MACF1: variants seen among roughly 807,000 people sequenced by gnomAD.
MACF1 encodes the protein microtubule-actin cross-linking factor 1.
MACF1 carries 193 observed loss-of-function variants against 854.8 expected under a neutral mutation model. That is an observed-to-expected ratio of 0.23 (90% CI 0.20 to 0.25). The LOEUF (loss-of-function observed/expected upper bound fraction) is 0.25. Among genes scored for constraint, MACF1 ranks in the 10% least tolerant of loss-of-function variants. The pLI is 1.00. For synonymous variants in MACF1, 3,185 were observed against 3,226.7 expected, an observed-to-expected ratio of 0.99 and a Z score of 0.44; for missense variants, 7,722 against 8,929.1, an observed-to-expected ratio of 0.86 and a Z score of 5.45.
intron 2 of MACF1, among the ~76,000 whole-genome samples, chr1:39,125,098 A>C (rs1642824317): frequency 6.6e-6 from 1 of 152,232 alleles, no homozygotes; most frequent in Admixed American, 6.5e-5. Flanking sequence ...TATCAAACTC[A>C]AAAGCAATTA....
Position 39,357,698 on chromosome 1 carries a change from G to T in MACF1, c.11748G>T (p.Leu3916=), listed in dbSNP as rs555869486. The change falls in exon 45 of 101, where the codon CTG becomes CTT. Residue 3916 remains leucine, a synonymous_variant. Coordinates refer to ENST00000564288, the MANE Select transcript of MACF1 (RefSeq NM_001394062.1). ...GGSSPETLPS[L]LKRQGSFSED... is the part of the protein sequence containing the mutation. ...GCAGCCCCGAGACCCTTCCCTCCCT[G>T]CTAAAGCGGCAAGGAAGCTTCTCAG... 6.9e-5 allele frequency: 112 copies of T among 1,614,158 alleles called. 2 individuals carry two copies. In the South Asian group the frequency reaches 1.2e-3, roughly 17 times the overall value.
intron 2 of MACF1, among the ~76,000 whole-genome samples, chr1:39,155,378 G>A (rs1374209913): frequency 6.6e-6 from 1 of 152,218 alleles, no homozygotes; most frequent in African/African-American, 2.4e-5. Context: ...GATTGCTGTT[G>A]TGTAGTCGAC....
chr1:39,104,357 C>G (rs948357522), intron 2 of MACF1, among the ~76,000 whole-genome samples: 1 of 152,152 alleles, frequency 6.6e-6, no homozygotes, highest in African/African-American at 2.4e-5. Flanking sequence ...TCAAAATGGC[C>G]CCTAATAAAT....
intron 2 of MACF1, among the ~76,000 whole-genome samples, chr1:39,181,726 G>C (rs1201649414): frequency 2.0e-5 from 3 of 152,184 alleles, no homozygotes; most frequent in Non-Finnish European, 4.4e-5. Flanking sequence ...CAATGGAATA[G>C]AATTGAGAGT....
At chr1:39,278,762 C>T (rs1645488560) in intron 6 of MACF1, among the ~76,000 whole-genome samples, 1 of 152,116 alleles carries the variant, frequency 6.6e-6, no homozygotes, top group Admixed American at 6.6e-5. Flanking sequence ...AGAATTGGTA[C>T]TAGGAAGAAG....
chr1:39,481,948 T>C (rs1239370361), intron 99 of MACF1, among the ~76,000 whole-genome samples: 2 of 152,226 alleles, frequency 1.3e-5, no homozygotes, highest in East Asian at 3.8e-4. Context: ...GAATATGATC[T>C]GGGGACCTAC....
intron 52 of MACF1, among the ~76,000 whole-genome samples, chr1:39,375,393 C>G (rs1649633860): frequency 6.6e-6 from 1 of 151,932 alleles, no homozygotes; most frequent in Non-Finnish European, 1.5e-5. Flanking sequence ...GCTCCATCTC[C>G]CAGGTTCATG....
chr1:39,372,849 A>G, intron 52 of MACF1: 1 of 350,452 alleles, frequency 2.9e-6, no homozygotes, highest in East Asian at 7.6e-5. Context: ...TATCAAATGA[A>G]CACTGAATAA....
chr1:39,353,487 C>T (rs1647273214), intron 44 of MACF1, among the ~76,000 whole-genome samples: 1 of 152,138 alleles, frequency 6.6e-6, no homozygotes, highest in Admixed American at 6.6e-5. Flanking sequence ...CCAGGTGTAT[C>T]CTAGGCCCTC....
chr1:39,441,869 C>A, intron 74 of MACF1, 83 bp from the exon 75 acceptor site: 2 of 1,008,030 alleles, frequency 2.0e-6, no homozygotes, highest in South Asian at 1.3e-5. Flanking sequence ...TGATTTATGT[C>A]TTCTTATGTT....
chr1:39,170,097 T>C (rs767629983), intron 2 of MACF1, among the ~76,000 whole-genome samples: 15 of 152,052 alleles, frequency 9.9e-5, no homozygotes, highest in Non-Finnish European at 1.8e-4. Flanking sequence ...TGCCCTTTAG[T>C]TCTCTTTACC....
At chr1:39,485,263 G>A in intron 100 of MACF1, 1 of 441,280 alleles carries the variant, frequency 2.3e-6, no homozygotes, top group Non-Finnish European at 4.0e-6. Context: ...GTGCTGAGGT[G>A]GTTGAGCAAC....
chr1:39,382,194 TG>T, intron 56 of MACF1, 42 bp downstream of exon 56: 3 of 1,558,994 alleles, frequency 1.9e-6, no homozygotes, highest in Non-Finnish European at 2.6e-6. Flanking sequence ...CACATGAAAC[TG>T]GGTTTGAATG....
At chr1:39,124,263 A>C (rs1159395565) in intron 2 of MACF1, among the ~76,000 whole-genome samples, 2 of 152,084 alleles carry the variant, frequency 1.3e-5, no homozygotes, top group African/African-American at 2.4e-5. Context: ...TGGTTAGTGC[A>C]AGGGGCTTTG....
At chr1:39,458,979 G>C in intron 90 of MACF1, 107 bp from the exon 91 acceptor site, 1 of 1,011,458 alleles carries the variant, frequency 9.9e-7, no homozygotes, top group Non-Finnish European at 1.4e-6. Flanking sequence ...TCTTTTCTCA[G>C]TTATTGACTG....
intron 2 of MACF1, among the ~76,000 whole-genome samples, chr1:39,086,633 C>T (rs915559154): frequency 5.9e-5 from 9 of 152,128 alleles, no homozygotes; most frequent in African/African-American, 2.2e-4. Context: ...ATACTTAGAT[C>T]GTTTTGTGAT....
At chr1:39,201,126 T>C (rs1644385285), upstream of MACF1, among the ~76,000 whole-genome samples, 1 of 152,166 alleles carries the variant, frequency 6.6e-6, no homozygotes, top group South Asian at 2.1e-4. Flanking sequence ...TTTGGAGTTA[T>C]TTTTTATTCT....
chr1:39,465,334 G>A (rs1281451152), intron 95 of MACF1, among the ~76,000 whole-genome samples: 2 of 152,230 alleles, frequency 1.3e-5, no homozygotes, highest in Admixed American at 6.5e-5. Flanking sequence ...TGAAATGGAG[G>A]AAAGTGAAGC....
At chr1:39,428,786 A>G (rs1224497845) in intron 63 of MACF1, among the ~76,000 whole-genome samples, 1 of 152,176 alleles carries the variant, frequency 6.6e-6, no homozygotes, top group Admixed American at 6.5e-5. Context: ...GAGAGTAAAA[A>G]TAGGTAATTT....
Sources: allele counts gnomAD v4.1 joint callset (sites outside exome capture counted in the v4.1 genomes callset), GRCh38; gene constraint gnomAD v4.1.1; transcripts MANE v1.5; gene names NCBI Gene and HGNC (gene_info 2026-07-23, HGNC 2026-07-21).